Variants in HPS3 observed in about 807,000 individuals in gnomAD.
The protein encoded by HPS3 is HPS3 biogenesis of lysosomal organelles complex 2 subunit 1.
In HPS3, 79 loss-of-function variants were observed where a neutral mutation model predicts 110.9. The observed-to-expected ratio is 0.71, with a 90% confidence interval of 0.59 to 0.86. The LOEUF (loss-of-function observed/expected upper bound fraction) is 0.86, where lower values mean the gene tolerates loss of function less well. Among genes scored for constraint, HPS3 ranks in the 40% least tolerant of loss-of-function variants. HPS3 has a pLI of 0.00. For missense variants in HPS3, 1,197 were observed against 1,206.2 expected, an observed-to-expected ratio of 0.99 and a Z score of 0.11; for synonymous variants, 428 against 451.0, an observed-to-expected ratio of 0.95 and a Z score of 0.65.
In HPS3 at chr3:149,167,950, G is replaced by T. The variant is rs750271056; in HGVS notation, c.2854G>T (p.Glu952Ter). ...TTGTCAGAGAATAAAATGTGGTGGAGAGAAGTATCAACTCTACCTGTCATC... is the reference window on the plus strand; with the variant it reads ...TTGTCAGAGAATAAAATGTGGTGGATAGAAGTATCAACTCTACCTGTCATC... ...ELCQRIKCGG[E>*]KYQLYLSSLK... Residue 952 changes from glutamate to a stop codon, truncating the protein, a stop_gained, in exon 16 of 17, where the codon GAG becomes TAG. Coordinates refer to ENST00000296051, the MANE Select transcript of HPS3 (RefSeq NM_032383.5). LOFTEE classifies it high-confidence loss of function. 1 of 1,602,358 alleles carries T rather than the reference G, an allele frequency of 6.2e-7. No homozygotes were observed. Among genetic ancestry groups the T allele is most frequent in the Non-Finnish European group, 8.6e-7 (1 of 1,169,564 alleles).
chr3:149,160,006 C>G (rs370859569), intron 10 of HPS3, 40 bp from the exon 11 acceptor site: 1 of 1,458,106 alleles, frequency 6.9e-7, no homozygotes, highest in Admixed American at 1.7e-5. Context: ...TTCTGGCTGA[C>G]TGACCTTTTA....
intron 16 of HPS3, among the ~76,000 whole-genome samples, chr3:149,170,220 T>C (rs1167249510): frequency 6.6e-6 from 1 of 152,194 alleles, no homozygotes; most frequent in Non-Finnish European, 1.5e-5. Context: ...TAGCCCCTCC[T>C]TATTTGGGAG....
At position 149,162,239 on chromosome 3, in the gene HPS3, T is replaced by G. The variant is rs1723930623; in HGVS notation, c.2198T>G (p.Leu733Trp). 1.2e-6 allele frequency: 2 copies of G among 1,613,910 alleles called. No individual in the cohort carries two copies. Among genetic ancestry groups the G allele is most frequent in the Admixed American group, 1.7e-5 (1 of 59,960 alleles). Residue 733 changes from leucine (L) to tryptophan (W), a missense_variant, in exon 12 of 17, where the codon TTG becomes TGG. Leu to Trp is a moderately conservative substitution (Grantham distance 61, BLOSUM62 -2). Transcript: ENST00000296051. ...GTTCCAACCGAGCTTGCACTTCACTTGAAGGAAACTCAGCCTGGATTGCTT... is the reference window on the plus strand; with the variant it reads ...GTTCCAACCGAGCTTGCACTTCACTGGAAGGAAACTCAGCCTGGATTGCTT... Reference protein sequence around the residue: ...QIVPTELALHLKETQPGLLVA... With the variant: ...QIVPTELALHWKETQPGLLVA...
rs772694297 is a variant in HPS3 at position 149,157,457 on chromosome 3, G to A, written c.1617G>A (p.Leu539=). 3.3e-5 allele frequency: 53 copies of A among 1,613,786 alleles called. No homozygotes were observed. The highest frequency in any genetic ancestry group is 4.4e-5 in the Non-Finnish European group (52 of 1,179,882). The change falls in exon 9 of 17, where the codon CTG becomes CTA. Residue 539 remains leucine, a synonymous_variant. Transcript: ENST00000296051. ...CTGCCCTGATGGATGCCAGTCAGCT[G>A]GAACCTGGAGAGAAGGCAGAGCTTT... ...VRAALMDASQ[L]EPGEKAELLE...
Position 149,172,805 on chromosome 3 carries a change from T to A in HPS3, c.*583T>A, listed in dbSNP as rs1439961027. The stretch of plus-strand genomic sequence containing the variant: ...CTCTGAATCAAATGAAGTAGAAGTT[T>A]ACAAAGCTAACTTTCTTCTTGTCTA... On this transcript the variant is annotated 3_prime_UTR_variant, in exon 17 of 17. Coordinates refer to ENST00000296051, the MANE Select transcript of HPS3 (RefSeq NM_032383.5). The A allele has an allele frequency of 6.5e-6, 1 of 152,808 alleles. No homozygotes were observed. The highest frequency in any genetic ancestry group is 1.5e-5 in the Non-Finnish European group (1 of 68,156). The allele number at this position is 152,808 out of a possible 1,614,324, so 9.5% of individuals were successfully genotyped here. A position where few individuals can be genotyped will look rare whatever the true frequency, so the allele number is the denominator to read the frequency against.
At chr3:149,166,010 G>T (rs1362093531) in intron 14 of HPS3, 1 of 456,276 alleles carries the variant, frequency 2.2e-6, no homozygotes, top group East Asian at 7.0e-5. Context: ...CTGTGATTGG[G>T]TAGATCACAT....
intron 9 of HPS3, 97 bp downstream of exon 9, chr3:149,157,628 G>C (rs938811031): frequency 1.8e-6 from 2 of 1,098,250 alleles, no homozygotes; most frequent in African/African-American, 3.1e-5. Flanking sequence ...TGATAAATGG[G>C]AAGGTGGTTC....
At chr3:149,165,388 G>A (rs1270734899) in intron 14 of HPS3, among the ~76,000 whole-genome samples, 1 of 152,040 alleles carries the variant, frequency 6.6e-6, no homozygotes, top group Admixed American at 6.6e-5. Context: ...TATTTTAAAA[G>A]GAAAATATTT....
chr3:149,167,849 T>C (rs768567312), intron 15 of HPS3, 44 bp from the exon 16 acceptor site: 2 of 1,102,116 alleles, frequency 1.8e-6, no homozygotes, highest in South Asian at 2.5e-5. Flanking sequence ...AATCTGAGAA[T>C]AAAATGCATC....
chr3:149,159,492 G>T (rs1286839731), intron 10 of HPS3, among the ~76,000 whole-genome samples: 3 of 152,152 alleles, frequency 2.0e-5, no homozygotes, highest in African/African-American at 2.4e-5. Context: ...GAGCCCAGGA[G>T]TTTGAGGCTA....
At position 149,172,302 on chromosome 3, in the gene HPS3, T is replaced by G. The variant is rs1207923223; in HGVS notation, c.*80T>G. ...GAATGCCAAAGTACAAGTAGAGGAG[T>G]TTTTTATTTTATATATCACACACAC... On this transcript the variant is annotated 3_prime_UTR_variant, in exon 17 of 17. Coordinates refer to ENST00000296051, the MANE Select transcript of HPS3 (RefSeq NM_032383.5). 1.9e-6 allele frequency: 2 copies of G among 1,043,032 alleles called. No homozygotes were observed. The highest frequency in any genetic ancestry group is 2.9e-6 in the Non-Finnish European group (2 of 694,552). 64.6% of individuals were successfully genotyped at this position (1,043,032 alleles called of 1,614,324 possible).
chr3:149,167,967 C>T lies in HPS3; in HGVS notation c.2871C>T (p.Tyr957=), dbSNP rs917888974. The T allele has an allele frequency of 3.8e-6, 6 of 1,576,244 alleles. No individual in the cohort carries two copies. Among genetic ancestry groups the T allele is most frequent in the Admixed American group, 1.7e-5 (1 of 59,780 alleles). ...IKCGGEKYQL[Y]LSSLKETLSI... ...GTGGTGGAGAGAAGTATCAACTCTA[C>T]CTGTCATCATTAAAAGGTAAAATGA... The change falls in exon 16 of 17, where the codon TAC becomes TAT. Residue 957 remains tyrosine, a synonymous_variant. Transcript: ENST00000296051.
chr3:149,148,994 C>T (rs1268930431), intron 5 of HPS3, among the ~76,000 whole-genome samples: 17 of 140,930 alleles, frequency 1.2e-4, no homozygotes, highest in African/African-American at 4.0e-4. Flanking sequence ...CACTCTGTCA[C>T]CCAGGCTGGA....
intron 9 of HPS3, among the ~76,000 whole-genome samples, chr3:149,158,005 C>T (rs997091164): frequency 2.0e-5 from 3 of 152,110 alleles, no homozygotes; most frequent in South Asian, 2.1e-4. Flanking sequence ...ATAAATACTA[C>T]CTTGTTAAAC....
At position 149,131,122 on chromosome 3, in the gene HPS3, T is replaced by TAAAA. The variant is rs57667789; in HGVS notation, c.217+1197_217+1200dup. ...GAAACCTTGGGGTCTGAGTTTATGT[T>TAAAA]AAAAAAAAAAAAAAAAAACAAAAAG... On this transcript the variant is annotated intron_variant, in intron 1 of 16. Coordinates refer to ENST00000296051, the MANE Select transcript of HPS3 (RefSeq NM_032383.5). Among the ~76,000 whole-genome samples the TAAAA allele has an allele frequency of 3.6e-5, 5 of 138,706 alleles. 1 individual carries two copies. The highest frequency in any genetic ancestry group is 4.6e-4 in the South Asian group (2 of 4,330). The allele number at this position is 138,706 out of a possible 152,430, so 91.0% of individuals were successfully genotyped here.
chr3:149,140,311 T>G lies in HPS3; in HGVS notation c.525T>G (p.Phe175Leu), dbSNP rs368439750. Reference protein sequence around the residue: ...IINEEFSLLDFERSLIIHIDN... With the variant: ...IINEEFSLLDLERSLIIHIDN... The stretch of plus-strand genomic sequence containing the variant: ...ATGAGGAATTCTCACTATTGGACTT[T>G]GAACGTTCTTTAATTATACACATAG... The change falls in exon 2 of 17, where the codon TTT (phenylalanine) becomes TTG (leucine). Residue 175 changes from phenylalanine (F) to leucine (L), a missense_variant. Phe to Leu is a conservative substitution (Grantham distance 22). Coordinates refer to ENST00000296051, the MANE Select transcript of HPS3 (RefSeq NM_032383.5). 9 of 1,613,648 alleles carry G rather than the reference T, an allele frequency of 5.6e-6. No individual in the cohort carries two copies. The African/African-American group carries it at 1.2e-4, about 22-fold the overall frequency.
intron 4 of HPS3, among the ~76,000 whole-genome samples, chr3:149,143,978 A>G (rs1231135294): frequency 6.6e-6 from 1 of 152,180 alleles, no homozygotes; most frequent in Non-Finnish European, 1.5e-5. Context: ...ATGCTACATT[A>G]TTTTGATGCA....
chr3:149,130,187 G>A (rs1436691567), intron 1 of HPS3: 1 of 572,206 alleles, frequency 1.7e-6, no homozygotes, highest in Non-Finnish European at 3.1e-6. Context: ...CTTCGTCTTG[G>A]TTTTCTGCAG....
Position 149,153,568 on chromosome 3 carries a change from C to G in HPS3, c.1320C>G (p.His440Gln), listed in dbSNP as rs1374285300. The change falls in exon 7 of 17, where the codon CAC becomes CAG. Residue 440 changes from histidine to glutamine, a missense_variant. His to Gln is a conservative substitution (Grantham distance 24). Coordinates refer to ENST00000296051, the MANE Select transcript of HPS3 (RefSeq NM_032383.5). ...TCATAGGCTTGAAAGCCATCTGTCA[C>G]TTTAAAAACCACATCATACTTTTGA... Reference protein sequence around the residue: ...QLFIGLKAICHFKNHIILLTK... With the variant: ...QLFIGLKAICQFKNHIILLTK... The G allele has an allele frequency of 3.1e-6, 5 of 1,613,962 alleles. No individual in the cohort carries two copies. The highest frequency in any genetic ancestry group is 1.3e-5 in the African/African-American group (1 of 74,934).
Sources: allele counts gnomAD v4.1 joint callset (sites outside exome capture counted in the v4.1 genomes callset), GRCh38; gene constraint gnomAD v4.1.1; transcripts MANE v1.5; gene names NCBI Gene and HGNC (gene_info 2026-07-23, HGNC 2026-07-21).